The following IGF1R variants were observed in gnomAD, a reference collection of about 807,000 sequenced individuals.
The protein encoded by IGF1R is insulin like growth factor 1 receptor, also known as insulin-like growth factor 1 receptor.
A neutral mutation model predicts 144.6 loss-of-function variants in IGF1R; 44 were observed. The ratio of observed to expected loss-of-function variants is 0.30; its 90% CI spans 0.24 to 0.39. The LOEUF is 0.39. Ranked by LOEUF, IGF1R falls within the 10% of genes least tolerant of loss-of-function variation. IGF1R has a pLI of 1.00. For missense variants in IGF1R, 1,355 were observed against 1,833.7 expected, an observed-to-expected ratio of 0.74 and a Z score of 4.77; for synonymous variants, 795 against 722.8, an observed-to-expected ratio of 1.10 and a Z score of -1.60.
intron 6 of IGF1R, among the ~76,000 whole-genome samples, chr15:98,910,468 C>G (rs1480211048): frequency 6.6e-6 from 1 of 152,230 alleles, no homozygotes; most frequent in Non-Finnish European, 1.5e-5. Context: ...CTTTTACTGT[C>G]TTCAGTCCCT....
At chr15:98,955,853 G>T (rs1364675866) in intron 20 of IGF1R, among the ~76,000 whole-genome samples, 1 of 152,256 alleles carries the variant, frequency 6.6e-6, no homozygotes, top group East Asian at 1.9e-4. Context: ...TTTCCTAGAT[G>T]TGGAGAGTTC....
At chr15:98,651,140 A>G in intron 1 of IGF1R, 1 of 864,440 alleles carries the variant, frequency 1.2e-6, no homozygotes, top group South Asian at 5.3e-5. Context: ...AAAAATCACG[A>G]CTGAGCCTTC....
At chr15:98,697,772 C>G (rs1205546552) in intron 1 of IGF1R, among the ~76,000 whole-genome samples, 1 of 152,258 alleles carries the variant, frequency 6.6e-6, no homozygotes, top group Non-Finnish European at 1.5e-5. Context: ...GGATCTCATT[C>G]TGTCACCCAG....
chr15:98,861,298 C>T (rs183047445), intron 2 of IGF1R, among the ~76,000 whole-genome samples: 2 of 152,318 alleles, frequency 1.3e-5, no homozygotes, highest in East Asian at 1.9e-4. Context: ...AATATACATG[C>T]AGGGACATTC....
In IGF1R at chr15:98,762,469, T is replaced by C. The variant is rs144032865; in HGVS notation, c.640+54362T>C. ...CCGGCCAGGCATAGTAGCTCATGCC[T>C]CTAATCCCATCACTTTGGGAGGCCA... On this transcript the variant is annotated intron_variant, in intron 2 of 20. Coordinates refer to ENST00000650285, the MANE Select transcript of IGF1R (RefSeq NM_000875.5). Among the ~76,000 whole-genome samples, 346 of 152,380 alleles carry C rather than the reference T, an allele frequency of 2.3e-3. 1 individual carries two copies. The highest frequency in any genetic ancestry group is 7.7e-3 in the African/African-American group (319 of 41,596).
At chr15:98,754,004 C>T (rs2141339823) in intron 2 of IGF1R, among the ~76,000 whole-genome samples, 4 of 152,316 alleles carry the variant, frequency 2.6e-5, no homozygotes, top group Middle Eastern at 3.4e-3. Context: ...CCAGCCAGCT[C>T]ATTTCTCAGG....
At chr15:98,770,742 C>CA in intron 2 of IGF1R, among the ~76,000 whole-genome samples, 1 of 152,226 alleles carries the variant, frequency 6.6e-6, no homozygotes, top group East Asian at 1.9e-4. Flanking sequence ...ATCACTGTCT[C>CA]TCAGGTCCCT....
intron 6 of IGF1R, among the ~76,000 whole-genome samples, chr15:98,909,477 T>C (rs565738249): frequency 2.6e-5 from 4 of 152,136 alleles, no homozygotes; most frequent in Non-Finnish European, 5.9e-5. Flanking sequence ...CAGGCTGGCC[T>C]CAAACTCCTG....
intron 2 of IGF1R, among the ~76,000 whole-genome samples, chr15:98,879,258 A>C (rs1200938870): frequency 6.6e-6 from 1 of 152,228 alleles, no homozygotes; most frequent in Non-Finnish European, 1.5e-5. Flanking sequence ...AGTACACTAG[A>C]ATATTTTTTA....
chr15:98,819,089 C>G (rs1026311971), intron 2 of IGF1R, among the ~76,000 whole-genome samples: 5 of 152,060 alleles, frequency 3.3e-5, no homozygotes, highest in Non-Finnish European at 7.4e-5. Flanking sequence ...CTCTGTCTTG[C>G]ATCTCTCAGG....
intron 2 of IGF1R, among the ~76,000 whole-genome samples, chr15:98,825,082 A>T (rs1025049550): frequency 2.6e-5 from 4 of 152,112 alleles, no homozygotes; most frequent in Admixed American, 6.5e-5. Flanking sequence ...CAAGTGATCC[A>T]CCTGCCTTGA....
Position 98,916,833 on chromosome 15 carries a change from A to T in IGF1R, c.2158A>T (p.Lys720Ter). Residue 720 changes from lysine (K) to a stop codon, truncating the protein, a stop_gained, in exon 10 of 21, where the codon AAA becomes TAA. Transcript: ENST00000650285. LOFTEE classifies it high-confidence loss of function. ...QAEKEEAEYRKVFENFLHNSI... is the reference protein window; with the variant it reads ...QAEKEEAEYR ...CGAGAAGGAGGAGGCTGAATACCGC[A>T]AAGTCTTTGAGAATTTCCTGCACAA... 1 of 1,614,082 alleles carries T rather than the reference A, an allele frequency of 6.2e-7. No homozygotes were observed.
intron 2 of IGF1R, among the ~76,000 whole-genome samples, chr15:98,843,862 A>G (rs1274614110): frequency 1.3e-5 from 2 of 152,140 alleles, no homozygotes; most frequent in African/African-American, 4.8e-5. Context: ...CAAGCAGTAT[A>G]TTTTCACGAT....
intron 2 of IGF1R, among the ~76,000 whole-genome samples, chr15:98,799,303 C>A (rs1490364913): frequency 6.6e-6 from 1 of 151,766 alleles, no homozygotes; most frequent in African/African-American, 2.4e-5. Context: ...CCACAGAGAA[C>A]TGCAGACCTG....
chr15:98,876,252 T>A (rs1220491396), intron 2 of IGF1R, among the ~76,000 whole-genome samples: 3 of 151,976 alleles, frequency 2.0e-5, no homozygotes, highest in Non-Finnish European at 4.4e-5. Flanking sequence ...ATGGGATGCC[T>A]GTGTTCTTCA....
At chr15:98,887,265 G>A (rs923408998) in intron 2 of IGF1R, among the ~76,000 whole-genome samples, 1 of 152,028 alleles carries the variant, frequency 6.6e-6, no homozygotes, top group Non-Finnish European at 1.5e-5. Flanking sequence ...AGTTTCGGGG[G>A]ACTACTGCTC....
intron 1 of IGF1R, among the ~76,000 whole-genome samples, chr15:98,655,642 A>AT (rs2052467526): frequency 6.7e-6 from 1 of 150,246 alleles, no homozygotes; most frequent in South Asian, 2.1e-4. Context: ...TGCCATGTTT[A>AT]TTAAAAAAAA....
chr15:98,727,901 G>C (rs971446252), intron 2 of IGF1R, among the ~76,000 whole-genome samples: 3 of 151,822 alleles, frequency 2.0e-5, no homozygotes, highest in Admixed American at 6.6e-5. Context: ...TCCAGTCCCT[G>C]TTGCAGATCT....
intron 2 of IGF1R, among the ~76,000 whole-genome samples, chr15:98,858,668 C>G (rs1026483147): frequency 1.3e-5 from 2 of 152,208 alleles, no homozygotes; most frequent in African/African-American, 4.8e-5. Flanking sequence ...TGCTAATAAA[C>G]GTGGACGAGG....
Sources: gnomAD v4.1 joint callset for allele counts (sites outside exome capture counted in the v4.1 genomes callset) on GRCh38, gnomAD v4.1.1 for gene constraint, MANE v1.5 for transcripts, NCBI Gene and HGNC (gene_info 2026-07-23, HGNC 2026-07-21) for gene names.